PTPRO: variants seen among roughly 807,000 people sequenced by gnomAD.
PTPRO encodes protein tyrosine phosphatase receptor type O, also known as receptor-type tyrosine-protein phosphatase O.
PTPRO carries 62 observed loss-of-function variants against 145.2 expected under a neutral mutation model. That is an observed-to-expected ratio of 0.43 (90% CI 0.35 to 0.53). PTPRO has a LOEUF of 0.53. Ranked by LOEUF, PTPRO falls within the 20% of genes least tolerant of loss-of-function variation. The pLI, the probability that PTPRO is intolerant of heterozygous loss-of-function variation, is 0.01. For synonymous variants in PTPRO, 565 were observed against 514.7 expected, an observed-to-expected ratio of 1.10 and a Z score of -1.32; for missense variants, 1,345 against 1,482.7, an observed-to-expected ratio of 0.91 and a Z score of 1.53.
intron 1 of PTPRO, among the ~76,000 whole-genome samples, chr12:15,434,202 A>G (rs1331005941): frequency 6.6e-6 from 1 of 152,240 alleles, no homozygotes; most frequent in African/African-American, 2.4e-5. Flanking sequence ...AACACTTTTA[A>G]CAATGTTTAA....
chr12:15,504,098 T>C (rs1565669543), intron 6 of PTPRO, 29 bp downstream of exon 6: 1 of 1,584,532 alleles, frequency 6.3e-7, no homozygotes, highest in Non-Finnish European at 8.7e-7. Flanking sequence ...ATTTTACACT[T>C]ACTGGGGAGC....
intron 1 of PTPRO, among the ~76,000 whole-genome samples, chr12:15,419,522 A>G (rs1940074355): frequency 6.6e-6 from 1 of 151,736 alleles, no homozygotes; most frequent in Non-Finnish European, 1.5e-5. Flanking sequence ...CTAACAGTTC[A>G]GGTGAATTTC....
rs140055557 is a variant in PTPRO at position 15,493,547 on chromosome 12, A to T, written c.350-3698A>T. ...GGAAAGCTGATTGACCAAAAAACAT[A>T]AGAAAAAATCATTAATCTCCATGAG... On this transcript the variant is annotated intron_variant, in intron 2 of 26. Transcript: ENST00000281171. Among the ~76,000 whole-genome samples the T allele has an allele frequency of 5.1e-4, 77 of 152,262 alleles. No homozygotes were observed. In the East Asian group the frequency reaches 0.014, roughly 27 times the overall value.
chr12:15,429,147 G>A (rs1940364045), intron 1 of PTPRO, among the ~76,000 whole-genome samples: 1 of 152,146 alleles, frequency 6.6e-6, no homozygotes, highest in Non-Finnish European at 1.5e-5. Context: ...AGAATCTCTT[G>A]AAGCTCATCC....
chr12:15,595,047 A>G lies in PTPRO; in HGVS notation c.*6A>G. On this transcript the variant is annotated 3_prime_UTR_variant, in exon 26 of 27. Transcript: ENST00000281171. ...AGAATGTTAGCAAGTCCTAGTTCAG[A>G]ATCCGGAGCAGTAAGTGGAGAAGAG... 6.2e-7 allele frequency: 1 copy of G among 1,605,912 alleles called. No homozygotes were observed. The highest frequency in any genetic ancestry group is 1.3e-5 in the African/African-American group (1 of 74,892).
Position 15,546,688 on chromosome 12 carries a change from A to G in PTPRO, c.2284A>G (p.Ser762Gly), listed in dbSNP as rs750255622. ...AGTTTTCTGTCAACAAGTTGGCTCCAGTCAGAAAACCAAACTTCAGGTACT... is the reference window on the plus strand; with the variant it reads ...AGTTTTCTGTCAACAAGTTGGCTCCGGTCAGAAAACCAAACTTCAGGTACT... ...FEVFCQQVGS[S>G]QKTKLQEPVA... is the part of the protein sequence containing the mutation. Residue 762 changes from serine (S) to glycine (G), a missense_variant, in exon 13 of 27, where the codon AGT (serine) becomes GGT (glycine). Physicochemically the swap from Ser to Gly is moderately conservative, Grantham distance 56. Coordinates refer to ENST00000281171, the MANE Select transcript of PTPRO (RefSeq NM_030667.3). 10 of 1,614,066 alleles carry G rather than the reference A, an allele frequency of 6.2e-6. No homozygotes were observed. Among genetic ancestry groups the G allele is most frequent in the Middle Eastern group, 3.3e-4 (2 of 6,060 alleles).
chr12:15,446,651 A>T (rs1940910096), intron 1 of PTPRO, among the ~76,000 whole-genome samples: 1 of 151,908 alleles, frequency 6.6e-6, no homozygotes, highest in Admixed American at 6.6e-5. Flanking sequence ...TTTTTAACAT[A>T]TAGTAAGCAA....
In PTPRO at chr12:15,539,528, G is replaced by A. The variant is rs188115194; in HGVS notation, c.2165-7041G>A. On this transcript the variant is annotated intron_variant, in intron 12 of 26. Coordinates refer to ENST00000281171, the MANE Select transcript of PTPRO (RefSeq NM_030667.3). ...TGTAATCCCAGCACTTTGGGAGGCC[G>A]AGGCGGGCAGATCACTTGAGGCCGG... Among the ~76,000 whole-genome samples, 413 of 151,966 alleles carry A rather than the reference G, an allele frequency of 2.7e-3. 3 individuals are homozygous for A. The highest frequency in any genetic ancestry group is 9.7e-3 in the African/African-American group (400 of 41,448).
intron 1 of PTPRO, among the ~76,000 whole-genome samples, chr12:15,376,155 C>T (rs1425496067): frequency 6.6e-6 from 1 of 151,904 alleles, no homozygotes; most frequent in Non-Finnish European, 1.5e-5. Context: ...CAAGGAGACC[C>T]ACACCTAGTC....
rs140248997 is a variant in PTPRO, at chr12:15,541,368, T to C, written c.2165-5201T>C. Among the ~76,000 whole-genome samples the C allele has an allele frequency of 1.0e-3, 153 of 152,250 alleles. 2 individuals carry two copies. Among genetic ancestry groups the C allele is most frequent in the African/African-American group, 3.5e-3 (147 of 41,540 alleles). Reference sequence around the variant, plus strand: ...TGACTGTATTTGATATTTTATAGGGTTTTTTCATCCCTCATGTGCAGAAAG... The same window carrying C: ...TGACTGTATTTGATATTTTATAGGGCTTTTTCATCCCTCATGTGCAGAAAG... On this transcript the variant is annotated intron_variant, in intron 12 of 26. Coordinates refer to ENST00000281171, the MANE Select transcript of PTPRO (RefSeq NM_030667.3).
chr12:15,464,342 GT>G (rs1332265816), intron 1 of PTPRO, among the ~76,000 whole-genome samples: 1 of 151,684 alleles, frequency 6.6e-6, no homozygotes, highest in Non-Finnish European at 1.5e-5. Context: ...ACTTTATTCA[GT>G]TTTTTTGTTT....
intron 1 of PTPRO, among the ~76,000 whole-genome samples, chr12:15,408,596 T>A (rs562419420): frequency 2.0e-5 from 3 of 152,170 alleles, no homozygotes; most frequent in Admixed American, 1.3e-4. Context: ...CTTGGCTAAT[T>A]TTTGTATTTT....
At chr12:15,468,088 T>G (rs1459805611) in intron 1 of PTPRO, among the ~76,000 whole-genome samples, 2 of 152,220 alleles carry the variant, frequency 1.3e-5, no homozygotes, top group Non-Finnish European at 2.9e-5. Flanking sequence ...TATTCTTTAT[T>G]CAAATCCGTT....
chr12:15,549,840 A>G (rs897013550), intron 14 of PTPRO, among the ~76,000 whole-genome samples: 1 of 152,220 alleles, frequency 6.6e-6, no homozygotes, highest in African/African-American at 2.4e-5. Flanking sequence ...TCACTGGTTT[A>G]GTTCCATTTC....
intron 1 of PTPRO, among the ~76,000 whole-genome samples, chr12:15,430,676 A>T (rs1940411400): frequency 6.6e-6 from 1 of 152,168 alleles, no homozygotes; most frequent in Non-Finnish European, 1.5e-5. Context: ...GATGCTTAGT[A>T]ACAATATATT....
At chr12:15,531,201 G>A (rs1370233164) in intron 12 of PTPRO, among the ~76,000 whole-genome samples, 1 of 152,104 alleles carries the variant, frequency 6.6e-6, no homozygotes, top group Non-Finnish European at 1.5e-5. Flanking sequence ...TGAGCAGTGA[G>A]ATGAAAGTCA....
At chr12:15,570,374 C>T (rs566965481) in intron 19 of PTPRO, among the ~76,000 whole-genome samples, 17 of 151,766 alleles carry the variant, frequency 1.1e-4, no homozygotes, top group African/African-American at 3.9e-4. Context: ...AAGGTAGCTG[C>T]TTTTTCTTCA....
rs558614563 is a variant in PTPRO, at chr12:15,585,071, G to A, written c.3256-1826G>A. On this transcript the variant is annotated intron_variant, in intron 23 of 26. Transcript: ENST00000281171. ...TGACCCCAGTTCCAGGACCCCTGCC[G>A]TGTAGCTGCGGAGAAACTAACTACA... 2.6e-5 allele frequency among the ~76,000 whole-genome samples: 4 copies of A among 152,306 alleles called. No homozygotes were observed. In the South Asian group the frequency reaches 6.2e-4, roughly 24 times the overall value.
At chr12:15,575,649 T>G (rs377208065) in intron 19 of PTPRO, among the ~76,000 whole-genome samples, 82 of 152,326 alleles carry the variant, frequency 5.4e-4, no homozygotes, top group South Asian at 4.6e-3. Context: ...TGGGTTTGGG[T>G]GACCGTATTA....
Sources: allele counts gnomAD v4.1 joint callset (sites outside exome capture counted in the v4.1 genomes callset), GRCh38; gene constraint gnomAD v4.1.1; transcripts MANE v1.5; gene names NCBI Gene and HGNC (gene_info 2026-07-23, HGNC 2026-07-21).